The following UHRF1 variants were observed in gnomAD, a reference collection of about 807,000 sequenced individuals.
The protein encoded by UHRF1 is ubiquitin like with PHD and ring finger domains 1, also known as E3 ubiquitin-protein ligase UHRF1.
A neutral mutation model predicts 96.5 loss-of-function variants in UHRF1; 9 were observed. The ratio of observed to expected loss-of-function variants is 0.09; its 90% CI spans 0.06 to 0.16. The LOEUF (loss-of-function observed/expected upper bound fraction) is 0.16. Ranked by LOEUF, UHRF1 falls within the 10% of genes least tolerant of loss-of-function variation. UHRF1 has a pLI of 1.00. For synonymous variants in UHRF1, 455 were observed against 469.9 expected (o/e 0.97, Z 0.41); for missense variants, 626 against 1,131.1 (o/e 0.55, Z 6.40).
chr19:4,943,501 C>CA (rs1000482174), intron 7 of UHRF1, among the ~76,000 whole-genome samples: 2 of 141,658 alleles, frequency 1.4e-5, no homozygotes, highest in African/African-American at 2.8e-5. Context: ...CCCTGCCCCC[C>CA]CTCCCCACAT....
At chr19:4,956,192 A>G (rs1014180638) in intron 15 of UHRF1, among the ~76,000 whole-genome samples, 1 of 152,094 alleles carries the variant, frequency 6.6e-6, no homozygotes, top group African/African-American at 2.4e-5. Flanking sequence ...CAGCCTCCCA[A>G]AGTACTGGGA....
At chr19:4,957,919 T>C (rs2033900414) in intron 16 of UHRF1, among the ~76,000 whole-genome samples, 1 of 152,116 alleles carries the variant, frequency 6.6e-6, no homozygotes, top group Non-Finnish European at 1.5e-5. Flanking sequence ...GGTGGACAGG[T>C]GTGGAAGGGA....
intron 5 of UHRF1, among the ~76,000 whole-genome samples, chr19:4,940,966 C>T (rs2033375869): frequency 6.6e-6 from 1 of 151,950 alleles, no homozygotes; most frequent in African/African-American, 2.4e-5. Context: ...AGCTACCATG[C>T]CCGGCCAACC....
chr19:4,953,206 A>G (rs2033765469), intron 13 of UHRF1, among the ~76,000 whole-genome samples: 1 of 152,168 alleles, frequency 6.6e-6, no homozygotes, highest in African/African-American at 2.4e-5. Flanking sequence ...CCATTGGTCG[A>G]GGCTCCACAG....
Position 4,924,588 on chromosome 19 carries a change from T to G in UHRF1, c.154-4634T>G, listed in dbSNP as rs192845247. Among the ~76,000 whole-genome samples the G allele has an allele frequency of 5.2e-4, 79 of 152,144 alleles. 1 individual carries two copies. Among genetic ancestry groups the G allele is most frequent in the African/African-American group, 1.7e-3 (69 of 41,522 alleles). On this transcript the variant is annotated intron_variant, in intron 2 of 16. Coordinates refer to ENST00000650932, the MANE Select transcript of UHRF1 (RefSeq NM_001048201.3). ...GTAAGCCACTGTGCCCAGCCCCTTT[T>G]TTAGAAAAAATTAATAAACTTTATT...
chr19:4,933,079 G>A, intron 5 of UHRF1, 123 bp downstream of exon 5: 1 of 1,057,414 alleles, frequency 9.5e-7, no homozygotes, highest in Non-Finnish European at 1.3e-6. Context: ...CTCCGGCCTG[G>A]CCTTCCTGCC....
chr19:4,916,660 T>C lies in UHRF1; in HGVS notation c.153+5622T>C, dbSNP rs550768453. On this transcript the variant is annotated intron_variant, in intron 2 of 16. Coordinates refer to ENST00000650932, the MANE Select transcript of UHRF1 (RefSeq NM_001048201.3). Reference sequence around the variant, plus strand: ...TCCACGCCACCGCCGCCCCCTCTTGTGGGTTCTGTCTCCTCCGTGTCTAGG... The same window carrying C: ...TCCACGCCACCGCCGCCCCCTCTTGCGGGTTCTGTCTCCTCCGTGTCTAGG... Among the ~76,000 whole-genome samples the C allele has an allele frequency of 3.4e-5, 5 of 148,880 alleles. No individual in the cohort carries two copies. In the South Asian group the frequency reaches 1.0e-3, roughly 31 times the overall value.
intron 15 of UHRF1, 86 bp from the exon 16 acceptor site, chr19:4,956,623 C>A: frequency 1.2e-6 from 1 of 818,684 alleles, no homozygotes. Context: ...ATTAGAGGAC[C>A]CAGGTACATG....
chr19:4,959,315 G>A (rs955824354), intron 16 of UHRF1, among the ~76,000 whole-genome samples: 1 of 152,134 alleles, frequency 6.6e-6, no homozygotes, highest in Non-Finnish European at 1.5e-5. Flanking sequence ...GGGCGACAGA[G>A]CGAGACTCTA....
chr19:4,951,845 G>A (rs865841730), intron 13 of UHRF1, among the ~76,000 whole-genome samples: 1 of 152,114 alleles, frequency 6.6e-6, no homozygotes, highest in East Asian at 1.9e-4. Context: ...CTCAACAAGC[G>A]GCGCAGCATT....
chr19:4,960,649 TC>T lies in UHRF1; in HGVS notation c.2236-7del. On this transcript the variant is annotated splice_region_variant and splice_polypyrimidine_tract_variant and intron_variant, in intron 16 of 16. Coordinates refer to ENST00000650932, the MANE Select transcript of UHRF1 (RefSeq NM_001048201.3). ...TGGCACTTCTCACGCGCCTGCTGTG[TC>T]TTACAGGACTGCCTGGACAGATCCT... 8 of 1,612,948 alleles carry T rather than the reference TC, an allele frequency of 5.0e-6. No homozygotes were observed. The South Asian group carries it at 8.8e-5, about 18-fold the overall frequency.
intron 2 of UHRF1, among the ~76,000 whole-genome samples, chr19:4,924,973 C>T (rs1046827370): frequency 1.6e-4 from 25 of 151,750 alleles, no homozygotes; most frequent in African/African-American, 1.7e-4. Flanking sequence ...ACTACAGGCG[C>T]GTGCCACCAC....
chr19:4,957,479 T>C (rs1254918544), intron 16 of UHRF1, among the ~76,000 whole-genome samples: 1 of 151,916 alleles, frequency 6.6e-6, no homozygotes, highest in African/African-American at 2.4e-5. Context: ...CGGCTAATTT[T>C]TTGTATTTTT....
At position 4,930,925 on chromosome 19, in the gene UHRF1, G is replaced by A. The variant is rs370660906; in HGVS notation, c.569+49G>A. The A allele has an allele frequency of 2.6e-4, 420 of 1,603,786 alleles. No homozygotes were observed. Among genetic ancestry groups the A allele is most frequent in the Non-Finnish European group, 3.3e-4 (385 of 1,173,374 alleles). ...CCTGGGTATTCAGGCTCTGTGACGC[G>A]CATCCTTGGCTGCGGGTGTTCAGGC... On this transcript the variant is annotated intron_variant, in intron 4 of 16. Transcript: ENST00000650932. The surrounding 1 kb of genome is among the most constrained non-coding windows in gnomAD (Gnocchi z 4.4).
intron 2 of UHRF1, among the ~76,000 whole-genome samples, chr19:4,916,174 C>T (rs1190580092): frequency 2.6e-5 from 4 of 152,130 alleles, no homozygotes; most frequent in South Asian, 2.1e-4. Flanking sequence ...GGCATGGTGG[C>T]GCATGCCTGT....
Position 4,939,622 on chromosome 19 carries a change from A to G in UHRF1, c.786-1906A>G, listed in dbSNP as rs142919959. On this transcript the variant is annotated intron_variant, in intron 5 of 16. Coordinates refer to ENST00000650932, the MANE Select transcript of UHRF1 (RefSeq NM_001048201.3). ...GTCACTTGCTGTGTGCGTCTGTGCT[A>G]CCTGTGAGCTGGTAGGTCAGTGTGT... Among the ~76,000 whole-genome samples the G allele has an allele frequency of 1.2e-4, 18 of 152,206 alleles. No individual in the cohort carries two copies. The East Asian group carries it at 3.5e-3, about 29-fold the overall frequency.
At chr19:4,943,994 G>A (rs981316001) in intron 7 of UHRF1, 138 bp from the exon 8 acceptor site, 25 of 1,328,674 alleles carry the variant, frequency 1.9e-5, no homozygotes, top group South Asian at 1.6e-4. Context: ...TGTGCCAAGC[G>A]GCCTGCAATG....
intron 5 of UHRF1, among the ~76,000 whole-genome samples, chr19:4,933,853 G>C (rs934954130): frequency 6.6e-6 from 1 of 151,998 alleles, no homozygotes; most frequent in Non-Finnish European, 1.5e-5. Context: ...GAGCAGAGTT[G>C]TGTAGTTGCA....
chr19:4,936,926 T>C (rs539982264), intron 5 of UHRF1, among the ~76,000 whole-genome samples: 3 of 152,312 alleles, frequency 2.0e-5, no homozygotes, highest in Admixed American at 6.5e-5. Context: ...ATATTGACAT[T>C]GATACAGTCA....
Sources: gnomAD v4.1 joint callset for allele counts (sites outside exome capture counted in the v4.1 genomes callset) on GRCh38, gnomAD v4.1.1 for gene constraint, Gnocchi (gnomAD v3.1) non-coding constraint, MANE v1.5 for transcripts, NCBI Gene and HGNC (gene_info 2026-07-23, HGNC 2026-07-21) for gene names.